TC2N: variants seen among roughly 807,000 people sequenced by gnomAD.
The protein encoded by TC2N is tandem C2 domains nuclear protein.
TC2N carries 51 observed loss-of-function variants against 61.9 expected under a neutral mutation model. That is an observed-to-expected ratio of 0.82 (90% CI 0.66 to 1.04). The LOEUF (loss-of-function observed/expected upper bound fraction) is 1.04. Ranked by LOEUF, TC2N falls within the 50% of genes least tolerant of loss-of-function variation. The pLI, the probability that TC2N is intolerant of heterozygous loss-of-function variation, is 0.00. For synonymous variants in TC2N, 204 were observed against 192.6 expected (o/e 1.06, Z -0.49); for missense variants, 556 against 566.7 (o/e 0.98, Z 0.19).
At chr14:91,810,433 C>A (rs1338821091) in intron 3 of TC2N, among the ~76,000 whole-genome samples, 2 of 152,004 alleles carry the variant, frequency 1.3e-5, no homozygotes, top group African/African-American at 2.4e-5. Context: ...AAAGAAGGAA[C>A]CTTTTCAGAA....
rs115272593 is a variant in TC2N, at chr14:91,837,788, A to G, written c.-56-23963T>C. Among the ~76,000 whole-genome samples the G allele has an allele frequency of 5.5e-3, 838 of 152,342 alleles. 11 individuals are homozygous for G. The highest frequency in any genetic ancestry group is 0.019 in the African/African-American group (786 of 41,566). ...ACTTTCTTTGATCCTGCATCTCCCA[A>G]ATGTGTTTGACCATAGAACTCTTTT... is the stretch of plus-strand genomic sequence containing the variant. On this transcript the variant is annotated intron_variant, in intron 1 of 11. Transcript: ENST00000435962. This position sits in a 1 kb window ranked among gnomAD's most constrained non-coding sequence, Gnocchi z 4.2.
chr14:91,857,581 T>A (rs1888507119), intron 1 of TC2N, among the ~76,000 whole-genome samples: 1 of 152,158 alleles, frequency 6.6e-6, no homozygotes, highest in Non-Finnish European at 1.5e-5. Context: ...GGTATTATTA[T>A]CCCCATTTAA....
chr14:91,844,876 A>G (rs1268319314), intron 1 of TC2N, among the ~76,000 whole-genome samples: 1 of 152,068 alleles, frequency 6.6e-6, no homozygotes, highest in Admixed American at 6.6e-5. Context: ...GGGGATGACA[A>G]TAGCTGTCAT....
rs567568529 is a variant in TC2N, at chr14:91,780,857, C to A, written c.*2243G>T. 4 of 151,892 alleles carry A rather than the reference C, an allele frequency of 2.6e-5. No individual in the cohort carries two copies. The South Asian group carries it at 8.3e-4, about 31-fold the overall frequency. 9.4% of individuals were successfully genotyped at this position (151,892 alleles called of 1,614,324 possible). A position where few individuals can be genotyped will look rare whatever the true frequency, so the allele number is the denominator to read the frequency against. On this transcript the variant is annotated 3_prime_UTR_variant, in exon 12 of 12. Transcript: ENST00000435962. ...TCCACATAAAGCTTCAAGGAAATAA[C>A]CAGCATTAGTACCTCCTCACCTGAA...
At chr14:91,791,764 A>G (rs887462141) in intron 9 of TC2N, among the ~76,000 whole-genome samples, 1 of 152,188 alleles carries the variant, frequency 6.6e-6, no homozygotes, top group Admixed American at 6.5e-5. Flanking sequence ...ACTTAAAAAA[A>G]AAAAGGTTAT....
intron 1 of TC2N, among the ~76,000 whole-genome samples, chr14:91,841,505 GAC>G (rs1888161700): frequency 6.6e-6 from 1 of 152,216 alleles, no homozygotes; most frequent in South Asian, 2.1e-4. Flanking sequence ...CGTGGTGGCA[GAC>G]ACACACAGAG....
chr14:91,803,374 CAT>C (rs202004215), intron 3 of TC2N, among the ~76,000 whole-genome samples: 3 of 131,890 alleles, frequency 2.3e-5, no homozygotes, highest in African/African-American at 5.8e-5. Flanking sequence ...CATATACATA[CAT>C]ATATACACAC....
At chr14:91,813,598 G>T in intron 2 of TC2N, 105 bp downstream of exon 2, 1 of 722,322 alleles carries the variant, frequency 1.4e-6, no homozygotes, top group Non-Finnish European at 2.4e-6. Context: ...TTATGTTTCT[G>T]CCTCCCCTAA....
intron 1 of TC2N, among the ~76,000 whole-genome samples, chr14:91,854,855 G>A (rs1398456972): frequency 5.3e-5 from 8 of 152,176 alleles, no homozygotes; most frequent in Non-Finnish European, 1.0e-4. Context: ...CTGAAGGACA[G>A]GAAATAGAGA....
At chr14:91,854,952 G>A (rs1241712939) in intron 1 of TC2N, among the ~76,000 whole-genome samples, 3 of 152,176 alleles carry the variant, frequency 2.0e-5, no homozygotes, top group Admixed American at 6.5e-5. Context: ...TCCTTGCAAC[G>A]TATTTTTGTG....
intron 1 of TC2N, among the ~76,000 whole-genome samples, chr14:91,864,806 G>T (rs1174983536): frequency 1.9e-5 from 2 of 104,262 alleles, no homozygotes; most frequent in African/African-American, 3.7e-5. Flanking sequence ...TTTTGAGACA[G>T]ACTCTCGCTC....
At chr14:91,803,818 G>A (rs1281593945) in intron 3 of TC2N, among the ~76,000 whole-genome samples, 4 of 152,144 alleles carry the variant, frequency 2.6e-5, no homozygotes, top group Admixed American at 2.0e-4. Context: ...ATTTGTCAAA[G>A]ACTATTTAAG....
chr14:91,856,555 T>G (rs925371098), intron 1 of TC2N, among the ~76,000 whole-genome samples: 1 of 151,760 alleles, frequency 6.6e-6, no homozygotes, highest in Admixed American at 6.6e-5. Flanking sequence ...GAGCTGTGCC[T>G]GGGAGGCTTC....
intron 1 of TC2N, among the ~76,000 whole-genome samples, chr14:91,844,441 G>T (rs1021732627): frequency 1.3e-5 from 2 of 152,120 alleles, no homozygotes; most frequent in African/African-American, 4.8e-5. Context: ...CTCTTAAAAT[G>T]TTGGGAAATA....
At chr14:91,787,709 GT>G in intron 9 of TC2N, 82 bp from the exon 10 acceptor site, 1 of 779,122 alleles carries the variant, frequency 1.3e-6, no homozygotes, top group Non-Finnish European at 2.1e-6. Flanking sequence ...AAAAGCTAAG[GT>G]TAGAAATTTT....
chr14:91,802,156 T>C, intron 4 of TC2N, 98 bp downstream of exon 4: 1 of 1,123,688 alleles, frequency 8.9e-7, no homozygotes, highest in Non-Finnish European at 1.2e-6. Context: ...TTTAAAATGC[T>C]TTTAATAGTA....
intron 9 of TC2N, among the ~76,000 whole-genome samples, chr14:91,790,216 C>T (rs1885579523): frequency 1.3e-5 from 2 of 152,120 alleles, no homozygotes; most frequent in Admixed American, 6.5e-5. Flanking sequence ...TTATTCAATA[C>T]CGAAATTTGA....
chr14:91,815,466 A>G (rs1281837352), intron 1 of TC2N, among the ~76,000 whole-genome samples: 1 of 151,688 alleles, frequency 6.6e-6, no homozygotes, highest in Non-Finnish European at 1.5e-5. Context: ...AAGGAAGTCT[A>G]TTTTACATTT....
chr14:91,846,892 T>G lies in TC2N; in HGVS notation c.-57+20370A>C, dbSNP rs1044792367. ...CAACAAGGATGTTTTCAGCCCCAGA[T>G]AAACAGAAAACCCATGAAAAAGGAT... is the stretch of plus-strand genomic sequence containing the variant. On this transcript the variant is annotated intron_variant, in intron 1 of 11. Transcript: ENST00000435962. Among the ~76,000 whole-genome samples, 14 of 152,260 alleles carry G rather than the reference T, an allele frequency of 9.2e-5. No homozygotes were observed. In the South Asian group the frequency reaches 2.9e-3, roughly 32 times the overall value.
Sources: gnomAD v4.1 joint callset for allele counts (sites outside exome capture counted in the v4.1 genomes callset) on GRCh38, gnomAD v4.1.1 for gene constraint, Gnocchi (gnomAD v3.1) non-coding constraint, MANE v1.5 for transcripts, NCBI Gene and HGNC (gene_info 2026-07-23, HGNC 2026-07-21) for gene names.